The following RYR2 variants were observed in gnomAD, a reference collection of about 807,000 sequenced individuals.
RYR2 encodes the protein cardiac muscle ryanodine receptor-calcium release channel.
RYR2 carries 227 observed loss-of-function variants against 601.1 expected under a neutral mutation model. The ratio of observed to expected loss-of-function variants is 0.38; its 90% CI spans 0.34 to 0.42. RYR2 has a LOEUF of 0.42. Among genes scored for constraint, RYR2 ranks in the 10% least tolerant of loss-of-function variants. The probability of loss-of-function intolerance (pLI) is 1.00; values close to 1 mark genes in which losing one functional copy is unlikely to be tolerated. For missense variants in RYR2, 4,646 were observed against 6,156.5 expected (o/e 0.75, Z 8.21); for synonymous variants, 2,223 against 2,175.1 (o/e 1.02, Z -0.61).
intron 2 of RYR2, among the ~76,000 whole-genome samples, chr1:237,327,505 C>A (rs1418123417): frequency 6.6e-6 from 1 of 152,098 alleles, no homozygotes; most frequent in African/African-American, 2.4e-5. Context: ...TTTAAATACA[C>A]CCAGAATATG....
intron 17 of RYR2, among the ~76,000 whole-genome samples, chr1:237,473,427 C>CTTTCTTTCCTTCTTTCTT (rs1553464621): frequency 9.8e-6 from 1 of 102,532 alleles, no homozygotes; most frequent in Admixed American, 9.3e-5. Context: ...CCATCTCTCT[C>CTTTCTTTCCTTCTTTCTT]TCTCTCTTTC....
At chr1:237,320,600 G>A (rs78580978) in intron 2 of RYR2, among the ~76,000 whole-genome samples, 173 of 152,204 alleles carry the variant, frequency 1.1e-3, no homozygotes, top group Admixed American at 2.2e-3. Flanking sequence ...ACATTCCTTG[G>A]CCTCATATCC....
intron 1 of RYR2, among the ~76,000 whole-genome samples, chr1:237,107,209 T>C (rs1668778725): frequency 1.3e-5 from 2 of 152,120 alleles, no homozygotes; most frequent in Non-Finnish European, 2.9e-5. Context: ...TATCTTAACT[T>C]AGAAGTTATA....
chr1:237,730,290 A>T lies in RYR2; in HGVS notation c.10869A>T (p.Gly3623=), dbSNP rs1690559972. 6.2e-7 allele frequency: 1 copy of T among 1,607,812 alleles called. No individual in the cohort carries two copies. Among genetic ancestry groups the T allele is most frequent in the South Asian group, 1.1e-5 (1 of 90,946 alleles). Residue 3623 remains glycine (G), a synonymous_variant, in exon 77 of 105, where the codon GGA becomes GGT. Transcript: ENST00000366574. ...GGGCTGTCAATCTCTTTCTTCAGGG[A>T]TATGAAAAGTCTTGGATTGAAACAG... is the stretch of plus-strand genomic sequence containing the variant. ...RHRAVNLFLQ[G]YEKSWIETEE... is the part of the protein sequence containing the mutation.
chr1:237,744,379 G>T (rs924226843), intron 80 of RYR2, among the ~76,000 whole-genome samples: 5 of 150,652 alleles, frequency 3.3e-5, no homozygotes, highest in Non-Finnish European at 7.4e-5. Context: ...TAGGTGGCCA[G>T]GTGCAGAGGC....
intron 1 of RYR2, among the ~76,000 whole-genome samples, chr1:237,108,588 T>G (rs1392784046): frequency 2.0e-5 from 3 of 152,138 alleles, no homozygotes; most frequent in Non-Finnish European, 4.4e-5. Flanking sequence ...CTTAAATCTA[T>G]CAGTCGAAAT....
intron 25 of RYR2, among the ~76,000 whole-genome samples, chr1:237,543,609 G>A (rs549654076): frequency 2.2e-4 from 34 of 152,218 alleles, no homozygotes; most frequent in African/African-American, 7.9e-4. Flanking sequence ...CTTGGCTGTA[G>A]CCTTTACATA....
chr1:237,544,884 G>A (rs1669639576), intron 25 of RYR2, among the ~76,000 whole-genome samples: 1 of 152,120 alleles, frequency 6.6e-6, no homozygotes, highest in African/African-American at 2.4e-5. Flanking sequence ...ATTAGTTAAA[G>A]TCCATGAATT....
In RYR2 at chr1:237,416,938, T is replaced by A. The variant is rs560721940; in HGVS notation, c.774-111T>A. On this transcript the variant is annotated intron_variant, in intron 10 of 104. Transcript: ENST00000366574. ...TGCCAAAAAAGTATAACTTTAACTG[T>A]TTACTCACAGGCCATTTGCTTTTCT... 1.7e-4 allele frequency: 144 copies of A among 846,668 alleles called. 1 individual carries two copies. In the South Asian group the frequency reaches 1.9e-3, roughly 11 times the overall value. 52.4% of individuals were successfully genotyped at this position (846,668 alleles called of 1,614,324 possible).
chr1:237,178,553 G>A (rs1307036477), intron 1 of RYR2, among the ~76,000 whole-genome samples: 3 of 151,570 alleles, frequency 2.0e-5, no homozygotes, highest in East Asian at 1.9e-4. Flanking sequence ...GGCTAGTTGC[G>A]GTGGCTCACA....
intron 1 of RYR2, among the ~76,000 whole-genome samples, chr1:237,186,450 T>C (rs1198982306): frequency 6.6e-6 from 1 of 152,208 alleles, no homozygotes; most frequent in Non-Finnish European, 1.5e-5. Context: ...TCTGTTTAAC[T>C]GGACTCAATT....
chr1:237,341,750 C>G, intron 3 of RYR2: 1 of 458,774 alleles, frequency 2.2e-6, no homozygotes, highest in Admixed American at 2.3e-5. Flanking sequence ...ACTGTAGTAA[C>G]AGTTTTGAAC....
rs554044556 is a variant in RYR2 at position 237,461,471 on chromosome 1, G to C, written c.1612+4736G>C. The stretch of plus-strand genomic sequence containing the variant: ...TTTCACCAGCAACCAGATGTTGCTG[G>C]TCTGTCTCTAAACTCTCTGTATTGC... On this transcript the variant is annotated intron_variant, in intron 16 of 104. Transcript: ENST00000366574. 1.2e-4 allele frequency among the ~76,000 whole-genome samples: 19 copies of C among 152,192 alleles called. No homozygotes were observed. In the South Asian group the frequency reaches 3.9e-3, roughly 32 times the overall value.
chr1:237,062,911 C>CT (rs1476832678), intron 1 of RYR2, among the ~76,000 whole-genome samples: 1 of 151,100 alleles, frequency 6.6e-6, no homozygotes, highest in Non-Finnish European at 1.5e-5. Context: ...GAGTCTTACA[C>CT]TGTGCATATG....
chr1:237,828,212 G>C lies in RYR2; in HGVS notation c.14591-169G>C, dbSNP rs1489575139. On this transcript the variant is annotated intron_variant, in intron 101 of 104. Transcript: ENST00000366574. ...GCACATACTTCTGTCCCCAAAGACA[G>C]AACACCGCCTCCTTTCTCCTAGGAG... is the stretch of plus-strand genomic sequence containing the variant. 2.6e-5 allele frequency among the ~76,000 whole-genome samples: 4 copies of C among 152,148 alleles called. No homozygotes were observed. The East Asian group carries it at 7.7e-4, about 29-fold the overall frequency.
intron 1 of RYR2, among the ~76,000 whole-genome samples, chr1:237,154,149 T>C (rs926645538): frequency 2.0e-5 from 3 of 152,192 alleles, no homozygotes; most frequent in Non-Finnish European, 2.9e-5. Flanking sequence ...GCTCAGGAGT[T>C]ATGGATGCGG....
intron 1 of RYR2, among the ~76,000 whole-genome samples, chr1:237,250,291 C>G (rs947767841): frequency 6.6e-6 from 1 of 152,196 alleles, no homozygotes; most frequent in Non-Finnish European, 1.5e-5. Flanking sequence ...CTGGTTCCCT[C>G]TAAGTGGTCT....
intron 12 of RYR2, among the ~76,000 whole-genome samples, chr1:237,434,689 G>T (rs1464877218): frequency 2.0e-5 from 3 of 152,164 alleles, no homozygotes; most frequent in African/African-American, 7.2e-5. Flanking sequence ...ACAATGAATA[G>T]AAGTCTTTTG....
intron 44 of RYR2, among the ~76,000 whole-genome samples, chr1:237,635,794 T>G: frequency 6.6e-6 from 1 of 152,220 alleles, no homozygotes. Context: ...CTCCTACAGC[T>G]TTCCCGCACT....
Sources: allele counts gnomAD v4.1 joint callset (sites outside exome capture counted in the v4.1 genomes callset), GRCh38; gene constraint gnomAD v4.1.1; transcripts MANE v1.5; gene names NCBI Gene and HGNC (gene_info 2026-07-23, HGNC 2026-07-21).